SH3RF3: variants seen among roughly 807,000 people sequenced by gnomAD.
The protein encoded by SH3RF3 is SH3 domain containing ring finger 3.
In SH3RF3, 29 loss-of-function variants were observed where a neutral mutation model predicts 66.3. The ratio of observed to expected loss-of-function variants is 0.44; its 90% confidence interval spans 0.33 to 0.60. SH3RF3 has a LOEUF of 0.60. SH3RF3 is among the 20% of genes least tolerant of loss of function. SH3RF3 has a pLI of 0.04. For synonymous variants in SH3RF3, 583 were observed against 532.0 expected, an observed-to-expected ratio of 1.10 and a Z score of -1.32; for missense variants, 1,194 against 1,190.9, an observed-to-expected ratio of 1.00 and a Z score of -0.04.
intron 1 of SH3RF3, among the ~76,000 whole-genome samples, chr2:109,282,511 G>T (rs1215094222): frequency 6.6e-6 from 1 of 152,164 alleles, no homozygotes; most frequent in Non-Finnish European, 1.5e-5. Flanking sequence ...CCTGCCCTGC[G>T]GTGGGAGGAC....
chr2:109,384,391 G>T (rs1292988309), intron 3 of SH3RF3, among the ~76,000 whole-genome samples: 1 of 152,116 alleles, frequency 6.6e-6, no homozygotes, highest in Admixed American at 6.5e-5. Flanking sequence ...TCGGGACTTG[G>T]CAGGGAAAGC....
chr2:109,492,386 AGCTACTGACTTCT>A (rs1397295057), intron 9 of SH3RF3, among the ~76,000 whole-genome samples: 1 of 152,102 alleles, frequency 6.6e-6, no homozygotes, highest in Admixed American at 6.5e-5. Context: ...CAGAACCCGC[AGCTACTGACTTCT>A]GCTAACCAGT....
chr2:109,184,219 C>G (rs1325363104), intron 1 of SH3RF3, among the ~76,000 whole-genome samples: 1 of 152,170 alleles, frequency 6.6e-6, no homozygotes, highest in Non-Finnish European at 1.5e-5. Context: ...TTTCTACACT[C>G]CCTTGGGAGT....
intron 1 of SH3RF3, among the ~76,000 whole-genome samples, chr2:109,328,825 C>T (rs1682218909): frequency 6.6e-6 from 1 of 152,172 alleles, no homozygotes; most frequent in African/African-American, 2.4e-5. Flanking sequence ...CACCTGAACA[C>T]AGTGTTATCC....
intron 9 of SH3RF3, among the ~76,000 whole-genome samples, chr2:109,494,452 G>A (rs959889579): frequency 9.2e-5 from 14 of 152,170 alleles, no homozygotes; most frequent in Non-Finnish European, 1.9e-4. Flanking sequence ...CTAGCAGGTC[G>A]GAGCTGAGGG....
At chr2:109,299,937 G>A (rs942794369) in intron 1 of SH3RF3, among the ~76,000 whole-genome samples, 15 of 152,204 alleles carry the variant, frequency 9.9e-5, no homozygotes, top group African/African-American at 3.6e-4. Flanking sequence ...CTTAGCAAAG[G>A]AATAGGATGA....
In SH3RF3 at chr2:109,398,657, A is replaced by G. The variant is rs1253703305; in HGVS notation, c.1013A>G (p.Asn338Ser). The G allele has an allele frequency of 6.2e-7, 1 of 1,605,980 alleles. No homozygotes were observed. The highest frequency in any genetic ancestry group is 8.5e-7 in the Non-Finnish European group (1 of 1,176,734). The change falls in exon 4 of 10, where the codon AAT (asparagine) becomes AGT (serine). Residue 338 changes from asparagine to serine, a missense_variant. Asn to Ser is a conservative substitution (Grantham distance 46). Transcript: ENST00000309415. ...KPCPAAASSC[N>S]ASLPSDSGAV... is the part of the protein sequence containing the mutation. ...TGCCCAGCCGCTGCATCCAGCTGCA[A>G]TGCCTCCCTGCCCTCTGACTCCGGC...
In SH3RF3 at chr2:109,129,451, CCCCAG is replaced by C; in HGVS notation, c.-89_-85del. The C allele has an allele frequency of 6.7e-7, 1 of 1,493,546 alleles. No individual in the cohort carries two copies. Among genetic ancestry groups the C allele is most frequent in the South Asian group, 1.2e-5 (1 of 80,424 alleles). The allele number at this position is 1,493,546 out of a possible 1,614,324, so 92.5% of individuals were successfully genotyped here. A position where few individuals can be genotyped will look rare whatever the true frequency, so the allele number is the denominator to read the frequency against. On this transcript the variant is annotated 5_prime_UTR_variant, in exon 1 of 10. Coordinates refer to ENST00000309415, the MANE Select transcript of SH3RF3 (RefSeq NM_001099289.3). Reference sequence around the variant, plus strand: ...AAGAAAGTCACGGCGGAGCCCGGCTCCCCAGTCCTGATGCTGGCTGCCGGTGGCGG... The same window carrying C: ...AAGAAAGTCACGGCGGAGCCCGGCTCTCCTGATGCTGGCTGCCGGTGGCGG...
intron 1 of SH3RF3, among the ~76,000 whole-genome samples, chr2:109,255,648 A>G (rs944971988): frequency 9.2e-5 from 14 of 152,214 alleles, no homozygotes; most frequent in Admixed American, 3.9e-4. Flanking sequence ...GTTGGGAACA[A>G]CCTTCTCAGT....
rs984597136 is a variant in SH3RF3, at chr2:109,129,407, C to G, written c.-134C>G. ...CTTCGCACCGCCACAGCCCTAGCAT[C>G]GGGCCACCAGCCGGGGTGAAGAAAG... is the stretch of plus-strand genomic sequence containing the variant. On this transcript the variant is annotated 5_prime_UTR_variant, in exon 1 of 10. The change creates a new upstream start codon in the 5' untranslated region. Coordinates refer to ENST00000309415, the MANE Select transcript of SH3RF3 (RefSeq NM_001099289.3). 7.0e-7 allele frequency: 1 copy of G among 1,423,866 alleles called. No homozygotes were observed. The highest frequency in any genetic ancestry group is 1.5e-5 in the African/African-American group (1 of 67,338). 88.2% of individuals were successfully genotyped at this position (1,423,866 alleles called of 1,614,324 possible).
At chr2:109,318,077 T>C (rs148917964) in intron 1 of SH3RF3, among the ~76,000 whole-genome samples, 23 of 146,714 alleles carry the variant, frequency 1.6e-4, no homozygotes, top group Non-Finnish European at 2.2e-4. Context: ...TTCTAAGCCA[T>C]GAGCACGCTG....
chr2:109,490,721 G>T lies in SH3RF3; in HGVS notation c.2265G>T (p.Leu755=). The part of the protein sequence containing the change: ...THDPQVAVDA[L]LQGAVGPEVS... ...ACCCCCAGGTGGCCGTGGACGCCCTGCTCCAAGGTGCAGTGGGCCCCGAAG... is the reference window on the plus strand; with the variant it reads ...ACCCCCAGGTGGCCGTGGACGCCCTTCTCCAAGGTGCAGTGGGCCCCGAAG... Residue 755 remains leucine, a synonymous_variant, in exon 9 of 10, where the codon CTG becomes CTT. Coordinates refer to ENST00000309415, the MANE Select transcript of SH3RF3 (RefSeq NM_001099289.3). The T allele has an allele frequency of 6.5e-7, 1 of 1,535,264 alleles. No individual in the cohort carries two copies. The highest frequency in any genetic ancestry group is 8.7e-7 in the Non-Finnish European group (1 of 1,145,498).
intron 1 of SH3RF3, among the ~76,000 whole-genome samples, chr2:109,140,118 C>A (rs1186481087): frequency 6.6e-6 from 1 of 152,210 alleles, no homozygotes; most frequent in Non-Finnish European, 1.5e-5. Context: ...CCTTTTCCCT[C>A]TGTCCACCGT....
At chr2:109,408,285 C>G (rs1454854237) in intron 4 of SH3RF3, among the ~76,000 whole-genome samples, 1 of 152,158 alleles carries the variant, frequency 6.6e-6, no homozygotes, top group Non-Finnish European at 1.5e-5. Flanking sequence ...CAGGAGGAAA[C>G]CAGGCCACTG....
intron 5 of SH3RF3, among the ~76,000 whole-genome samples, chr2:109,428,955 C>T (rs534980111): frequency 5.9e-5 from 9 of 152,290 alleles, no homozygotes; most frequent in South Asian, 2.1e-4. Flanking sequence ...AAGACTGGCT[C>T]GCCACTGAGT....
chr2:109,231,573 C>T (rs1383394710), intron 1 of SH3RF3, among the ~76,000 whole-genome samples: 1 of 152,164 alleles, frequency 6.6e-6, no homozygotes, highest in African/African-American at 2.4e-5. Context: ...TTCTTTATTC[C>T]ATGATAAGCT....
At chr2:109,292,846 C>A (rs796786616) in intron 1 of SH3RF3, among the ~76,000 whole-genome samples, 5 of 152,290 alleles carry the variant, frequency 3.3e-5, no homozygotes, top group African/African-American at 1.2e-4. Flanking sequence ...GATTCTCTTG[C>A]CTCAGCCTCC....
intron 2 of SH3RF3, among the ~76,000 whole-genome samples, chr2:109,349,587 C>T (rs545684738): frequency 6.6e-6 from 1 of 152,190 alleles, no homozygotes; most frequent in Admixed American, 6.5e-5. Context: ...TCTCAGGGTC[C>T]GGTCAGGGCC....
chr2:109,269,370 T>C (rs545664337), intron 1 of SH3RF3, among the ~76,000 whole-genome samples: 48 of 152,316 alleles, frequency 3.2e-4, no homozygotes, highest in Non-Finnish European at 3.2e-4. Context: ...ACACACCGTG[T>C]AATTTCCAGA....
Sources: allele counts gnomAD v4.1 joint callset (sites outside exome capture counted in the v4.1 genomes callset), GRCh38; gene constraint gnomAD v4.1.1; transcripts MANE v1.5; gene names NCBI Gene and HGNC (gene_info 2026-07-23, HGNC 2026-07-21).